The following ZBTB16 variants were observed in gnomAD, a reference collection of about 807,000 sequenced individuals.
ZBTB16 encodes the protein zinc finger and BTB domain containing 16.
Under a neutral mutation model 56.8 loss-of-function variants are expected in ZBTB16, and 8 were observed. The observed-to-expected ratio is 0.14, with a 90% CI of 0.08 to 0.25. The LOEUF (loss-of-function observed/expected upper bound fraction) is 0.25. Among genes scored for constraint, ZBTB16 ranks in the 10% least tolerant of loss-of-function variants. The pLI, the probability that ZBTB16 is intolerant of heterozygous loss-of-function variation, is 1.00. For missense variants in ZBTB16, 625 were observed against 903.0 expected (o/e 0.69, Z 3.95); for synonymous variants, 363 against 368.5 (o/e 0.98, Z 0.17).
Position 114,203,586 on chromosome 11 carries a change from A to G in ZBTB16, c.1453+16548A>G, listed in dbSNP as rs1036953642. On this transcript the variant is annotated intron_variant, in intron 4 of 6. Coordinates refer to ENST00000335953, the MANE Select transcript of ZBTB16 (RefSeq NM_006006.6). ...AACCCCCCCGCCCCCCTGCAAAAAC[A>G]ACAACAACAAAAACATTAAAAGGGT... 2.7e-5 allele frequency among the ~76,000 whole-genome samples: 4 copies of G among 149,534 alleles called. No homozygotes were observed. The Admixed American group carries it at 2.7e-4, about 10-fold the overall frequency.
chr11:114,132,246 A>G (rs942659430), intron 2 of ZBTB16, among the ~76,000 whole-genome samples: 2 of 152,158 alleles, frequency 1.3e-5, no homozygotes, highest in Non-Finnish European at 2.9e-5. Context: ...GAGATACACC[A>G]TTCAATACTT....
chr11:114,127,082 G>A (rs1941528545), intron 2 of ZBTB16, among the ~76,000 whole-genome samples: 1 of 152,134 alleles, frequency 6.6e-6, no homozygotes, highest in Non-Finnish European at 1.5e-5. Context: ...GGCTCTTGCA[G>A]TTCCCCCTTG....
intron 2 of ZBTB16, among the ~76,000 whole-genome samples, chr11:114,084,735 A>G (rs1217734162): frequency 1.3e-5 from 2 of 152,182 alleles, no homozygotes; most frequent in African/African-American, 4.8e-5. Context: ...AAATCCTGGG[A>G]GGAGGCCTTA....
chr11:114,137,026 G>A (rs1379178092), intron 2 of ZBTB16, among the ~76,000 whole-genome samples: 1 of 152,168 alleles, frequency 6.6e-6, no homozygotes, highest in East Asian at 1.9e-4. Flanking sequence ...TGTCTGGAAT[G>A]CTTGAGTACA....
At chr11:114,111,056 A>G (rs1330884149) in intron 2 of ZBTB16, among the ~76,000 whole-genome samples, 2 of 152,202 alleles carry the variant, frequency 1.3e-5, no homozygotes, top group African/African-American at 4.8e-5. Context: ...ATTATCTTTA[A>G]GGAAGGTCAC....
At position 114,060,769 on chromosome 11, in the gene ZBTB16, G is replaced by T. The variant is rs937620216; in HGVS notation, c.-91+887G>T. 6.6e-6 allele frequency among the ~76,000 whole-genome samples: 1 copy of T among 152,044 alleles called. No homozygotes were observed. Among genetic ancestry groups the T allele is most frequent in the East Asian group, 1.9e-4 (1 of 5,164 alleles). On this transcript the variant is annotated intron_variant, in intron 1 of 6. Coordinates refer to ENST00000335953, the MANE Select transcript of ZBTB16 (RefSeq NM_006006.6). This position sits in a 1 kb window ranked among gnomAD's most constrained non-coding sequence, Gnocchi z 6.0. ...ACCGACTCGCTCGCCGCCTCCCCGA[G>T]ACGCTCGCACCGTGCTTGGGCCGGG...
intron 4 of ZBTB16, among the ~76,000 whole-genome samples, chr11:114,213,520 C>T (rs1373865905): frequency 2.0e-5 from 3 of 152,210 alleles, no homozygotes; most frequent in Non-Finnish European, 2.9e-5. Context: ...CTGCTTCTTG[C>T]TCATGGGAGG....
rs370961497 is a variant in ZBTB16 at position 114,219,952 on chromosome 11, C to G, written c.1454-22215C>G. Among the ~76,000 whole-genome samples the G allele has an allele frequency of 1.6e-3, 250 of 152,256 alleles. 2 individuals are homozygous for G. The Middle Eastern group carries it at 0.041, about 25-fold the overall frequency. On this transcript the variant is annotated intron_variant, in intron 4 of 6. Coordinates refer to ENST00000335953, the MANE Select transcript of ZBTB16 (RefSeq NM_006006.6). ...ACAGTGAGGGGGAATGCTGTGGGTC[C>G]CTTTTCACATAGTCTGTCCCAGTTT... is the stretch of plus-strand genomic sequence containing the variant.
chr11:114,240,264 C>A (rs1944675003), intron 4 of ZBTB16, among the ~76,000 whole-genome samples: 1 of 152,192 alleles, frequency 6.6e-6, no homozygotes, highest in Non-Finnish European at 1.5e-5. Flanking sequence ...GCCTACTAGT[C>A]CATCCTAACC....
chr11:114,063,239 C>G lies in ZBTB16; in HGVS notation c.-62C>G, dbSNP rs550287515. 3.6e-5 allele frequency: 58 copies of G among 1,590,120 alleles called. No homozygotes were observed. The African/African-American group carries it at 5.8e-4, about 16-fold the overall frequency. ...CCTCTATTGGCCCAGGAAGCCCACC[C>G]AGCCCCGCCACGCAGAGCCCAGAAG... is the stretch of plus-strand genomic sequence containing the variant. On this transcript the variant is annotated 5_prime_UTR_variant, in exon 2 of 7. Coordinates refer to ENST00000335953, the MANE Select transcript of ZBTB16 (RefSeq NM_006006.6). The surrounding 1 kb of genome is among the most constrained non-coding windows in gnomAD (Gnocchi z 6.5).
intron 2 of ZBTB16, among the ~76,000 whole-genome samples, chr11:114,125,037 A>G (rs1941468435): frequency 6.6e-6 from 1 of 152,058 alleles, no homozygotes; most frequent in African/African-American, 2.4e-5. Context: ...TCTCGGGGTC[A>G]GCCACAGATC....
intron 4 of ZBTB16, among the ~76,000 whole-genome samples, chr11:114,223,637 C>T (rs950950411): frequency 1.3e-5 from 2 of 152,142 alleles, no homozygotes; most frequent in African/African-American, 4.8e-5. Flanking sequence ...CAGTGGTGAG[C>T]AAATCAGAAC....
At chr11:114,139,245 GT>G (rs1941880694) in intron 2 of ZBTB16, among the ~76,000 whole-genome samples, 1 of 152,166 alleles carries the variant, frequency 6.6e-6, no homozygotes, top group Non-Finnish European at 1.5e-5. Flanking sequence ...TTGATTTGCG[GT>G]TTTCCCATTG....
intron 3 of ZBTB16, among the ~76,000 whole-genome samples, chr11:114,183,931 C>T (rs563331708): frequency 6.6e-6 from 1 of 152,232 alleles, no homozygotes; most frequent in East Asian, 1.9e-4. Context: ...CTTCAAAGCT[C>T]TCTTAAGCCG....
chr11:114,249,789 AG>A lies in ZBTB16; in HGVS notation c.1793-536del, dbSNP rs869149168. Among the ~76,000 whole-genome samples, 10 of 147,178 alleles carry A rather than the reference AG, an allele frequency of 6.8e-5. 1 individual carries two copies. The highest frequency in any genetic ancestry group is 2.0e-4 in the East Asian group (1 of 4,978). ...TCCGTCTCAAAAAAAAAAAAAAAAA[AG>A]AGAGCTTTAGCAGGATAGGTGTCCC... is the stretch of plus-strand genomic sequence containing the variant. On this transcript the variant is annotated intron_variant, in intron 6 of 6. Coordinates refer to ENST00000335953, the MANE Select transcript of ZBTB16 (RefSeq NM_006006.6).
intron 4 of ZBTB16, among the ~76,000 whole-genome samples, chr11:114,191,146 C>T (rs557671813): frequency 7.2e-5 from 11 of 152,270 alleles, no homozygotes; most frequent in African/African-American, 2.4e-4. Context: ...GAAATCCACC[C>T]CCATGATCCA....
At chr11:114,173,271 A>G (rs965545832) in intron 3 of ZBTB16, among the ~76,000 whole-genome samples, 1 of 152,236 alleles carries the variant, frequency 6.6e-6, no homozygotes, top group Non-Finnish European at 1.5e-5. Context: ...GGCTAAAAAT[A>G]GACATGCTCT....
At chr11:114,167,234 T>TTA (rs1565663171) in intron 3 of ZBTB16, among the ~76,000 whole-genome samples, 3 of 91,692 alleles carry the variant, frequency 3.3e-5, no homozygotes, top group Non-Finnish European at 6.0e-5. Context: ...TTTTTTTGGT[T>TTA]TTTTTTTTTT....
At chr11:114,127,436 A>G (rs963073450) in intron 2 of ZBTB16, among the ~76,000 whole-genome samples, 1 of 152,170 alleles carries the variant, frequency 6.6e-6, no homozygotes, top group African/African-American at 2.4e-5. Context: ...ATTCCAATGT[A>G]CACTAAAGTT....
Sources: allele counts gnomAD v4.1 joint callset (sites outside exome capture counted in the v4.1 genomes callset), GRCh38; gene constraint gnomAD v4.1.1; non-coding constraint Gnocchi (gnomAD v3.1); transcripts MANE v1.5; gene names NCBI Gene and HGNC (gene_info 2026-07-23, HGNC 2026-07-21).